The following IKZF4 variants were observed in gnomAD, a reference collection of about 807,000 sequenced individuals.
IKZF4 encodes zinc finger protein Eos.
A neutral mutation model predicts 47.7 loss-of-function variants in IKZF4; 11 were observed. The ratio of observed to expected loss-of-function variants is 0.23; its 90% CI spans 0.15 to 0.38. IKZF4 has a LOEUF of 0.38. IKZF4 is among the 10% of genes least tolerant of loss of function. The probability of loss-of-function intolerance (pLI) is 1.00; values close to 1 mark genes in which losing one functional copy is unlikely to be tolerated. For missense variants in IKZF4, 557 were observed against 784.9 expected (o/e 0.71, Z 3.47); for synonymous variants, 298 against 299.4 (o/e 1.00, Z 0.05).
At chr12:56,021,618 G>A in intron 1 of IKZF4, 38 bp downstream of exon 1, 4 of 1,567,730 alleles carry the variant, frequency 2.6e-6, no homozygotes, top group Non-Finnish European at 3.5e-6. Flanking sequence ...GAGGGAGGAA[G>A]GGGGGTGCTG....
At chr12:56,020,632 T>C (rs1173578425), upstream of IKZF4, among the ~76,000 whole-genome samples, 2 of 152,104 alleles carry the variant, frequency 1.3e-5, no homozygotes, top group Non-Finnish European at 2.9e-5. Flanking sequence ...CTTGTCCTGA[T>C]AGAGGGCGGA....
At chr12:56,033,923 G>A (rs550466675) in intron 7 of IKZF4, among the ~76,000 whole-genome samples, 14 of 152,038 alleles carry the variant, frequency 9.2e-5, no homozygotes, top group East Asian at 1.9e-4. Flanking sequence ...TTTTTGAGAC[G>A]GAGTCTTGCT....
Position 56,022,236 on chromosome 12 carries a change from C to T in IKZF4, c.87+656C>T, listed in dbSNP as rs568975943. On this transcript the variant is annotated intron_variant, in intron 1 of 7. Transcript: ENST00000547167. ...AGGCAGCAGGAGTGGAGGCTAGCCTCCTTTAACATATGAAACACCTTTAGC... is the reference window on the plus strand; with the variant it reads ...AGGCAGCAGGAGTGGAGGCTAGCCTTCTTTAACATATGAAACACCTTTAGC... Among the ~76,000 whole-genome samples, 3 of 152,306 alleles carry T rather than the reference C, an allele frequency of 2.0e-5. No homozygotes were observed. In the South Asian group the frequency reaches 6.2e-4, roughly 32 times the overall value.
chr12:56,009,721 A>G (rs1449131252), intron 1 of IKZF4, among the ~76,000 whole-genome samples: 1 of 152,226 alleles, frequency 6.6e-6, no homozygotes, highest in Non-Finnish European at 1.5e-5. Context: ...TTGATGTCTC[A>G]AACACAAAAT....
intron 1 of IKZF4, among the ~76,000 whole-genome samples, chr12:56,022,045 A>G (rs1893102287): frequency 6.6e-6 from 1 of 152,016 alleles, no homozygotes; most frequent in Non-Finnish European, 1.5e-5. Flanking sequence ...TCTTGTACCC[A>G]CTATTCCCTG....
chr12:56,025,738 C>T (rs1261838231), intron 3 of IKZF4, among the ~76,000 whole-genome samples: 3 of 152,062 alleles, frequency 2.0e-5, no homozygotes, highest in African/African-American at 7.2e-5. Flanking sequence ...GAACTGTAAG[C>T]ATGTCTGTCT....
At chr12:56,033,460 C>A in intron 7 of IKZF4, 139 bp downstream of exon 7, 1 of 1,087,338 alleles carries the variant, frequency 9.2e-7, no homozygotes, top group Non-Finnish European at 1.3e-6. Flanking sequence ...GTAATCCCAG[C>A]ACTTTGGGAG....
intron 7 of IKZF4, among the ~76,000 whole-genome samples, 181 bp downstream of exon 7, chr12:56,033,502 T>C (rs1377517572): frequency 6.6e-6 from 1 of 151,964 alleles, no homozygotes; most frequent in Non-Finnish European, 1.5e-5. Context: ...GGTCAGAAGA[T>C]CAAGACCATC....
intron 5 of IKZF4, 29 bp from the exon 6 acceptor site, chr12:56,032,532 T>C (rs751860796): frequency 1.3e-6 from 2 of 1,592,700 alleles, no homozygotes; most frequent in East Asian, 4.5e-5. Flanking sequence ...GAAATAGCTC[T>C]GATGCCATCT....
At chr12:56,027,462 T>C (rs868652730) in intron 4 of IKZF4, among the ~76,000 whole-genome samples, 5 of 152,222 alleles carry the variant, frequency 3.3e-5, no homozygotes, top group Middle Eastern at 3.4e-3. Context: ...AGCCTTCTCT[T>C]CTCAGCTTCC....
At position 56,034,736 on chromosome 12, in the gene IKZF4, C is replaced by T; in HGVS notation, c.1163C>T (p.Pro388Leu). 2 of 1,614,062 alleles carry T rather than the reference C, an allele frequency of 1.2e-6. No individual in the cohort carries two copies. Among genetic ancestry groups the T allele is most frequent in the Non-Finnish European group, 1.7e-6 (2 of 1,179,900 alleles). ...AEHLRPLRLP[P>L]TNCISELTPV... ...CATCTGCGTCCCCTCCGCCTTCCACCCACCAATTGCATCTCAGAACTCACG... is the reference window on the plus strand; with the variant it reads ...CATCTGCGTCCCCTCCGCCTTCCACTCACCAATTGCATCTCAGAACTCACG... Residue 388 changes from proline to leucine, a missense_variant, in exon 8 of 8, where the codon CCC (proline) becomes CTC (leucine). By Grantham distance (98) the Pro-to-Leu change is moderately conservative. Coordinates refer to ENST00000547167, the MANE Select transcript of IKZF4 (RefSeq NM_022465.4).
chr12:56,016,724 G>A (rs935134615), upstream of IKZF4, among the ~76,000 whole-genome samples: 65 of 152,150 alleles, frequency 4.3e-4, no homozygotes, highest in African/African-American at 1.5e-3. Flanking sequence ...AGCCTCCCTA[G>A]TAGCTGGGAT....
At chr12:56,018,050 A>G (rs983639851), upstream of IKZF4, 2 of 979,894 alleles carry the variant, frequency 2.0e-6, no homozygotes, top group South Asian at 1.3e-5. Context: ...TTTCTTGCTA[A>G]CTCAAGAATA....
Position 56,036,715 on chromosome 12 carries a change from G to C in IKZF4, c.*1384G>C, listed in dbSNP as rs1895662329. 6.6e-6 allele frequency: 1 copy of C among 152,244 alleles called. No homozygotes were observed. Among genetic ancestry groups the C allele is most frequent in the South Asian group, 2.1e-4 (1 of 4,810 alleles). The allele number at this position is 152,244 out of a possible 1,614,324, so 9.4% of individuals were successfully genotyped here. ...CTCAGCTCCCAGACACAGGGTAGGAGGGGGGACTGCTGGCTACTGCAGAGA... is the reference window on the plus strand; with the variant it reads ...CTCAGCTCCCAGACACAGGGTAGGACGGGGGACTGCTGGCTACTGCAGAGA... On this transcript the variant is annotated 3_prime_UTR_variant, in exon 8 of 8. Coordinates refer to ENST00000547167, the MANE Select transcript of IKZF4 (RefSeq NM_022465.4).
intron 3 of IKZF4, 43 bp from the exon 4 acceptor site, chr12:56,026,738 C>G: frequency 7.0e-7 from 1 of 1,429,528 alleles, no homozygotes; most frequent in South Asian, 1.6e-5. Flanking sequence ...GAGCAGCTTC[C>G]CCCTTTGCCT....
In IKZF4 at chr12:56,035,092, C is replaced by G. The variant is rs367879107; in HGVS notation, c.1519C>G (p.Arg507Gly). ...CCCCAAGCCACAGGAGGGGTTATTG[C>G]GGGGCACCCCAGGCCCCTCCAAGGA... ...EDPKPQEGLL[R>G]GTPGPSKEVL... The change falls in exon 8 of 8, where the codon CGG (arginine) becomes GGG (glycine). Residue 507 changes from arginine to glycine, a missense_variant. This residue lies in a region of IKZF4 where 280 missense variants were observed against 314.0 expected (regional missense o/e 0.89). Coordinates refer to ENST00000547167, the MANE Select transcript of IKZF4 (RefSeq NM_022465.4). This position sits in a 1 kb window ranked among gnomAD's most constrained non-coding sequence, Gnocchi z 6.1. 1.0e-5 allele frequency: 16 copies of G among 1,604,120 alleles called. No homozygotes were observed. In the South Asian group the frequency reaches 1.8e-4, roughly 18 times the overall value.
At chr12:56,015,462 T>C (rs1368232284) in intron 2 of IKZF4, among the ~76,000 whole-genome samples, 1 of 151,842 alleles carries the variant, frequency 6.6e-6, no homozygotes, top group Non-Finnish European at 1.5e-5. Context: ...AGTGGCGTGA[T>C]CTCCGCTCAC....
intron 1 of IKZF4, chr12:56,010,315 T>C (rs1043531459): frequency 3.9e-5 from 6 of 152,172 alleles, no homozygotes; most frequent in Admixed American, 2.6e-4. Flanking sequence ...GACAAAGGCA[T>C]CTAAGAAAGG....
intron 2 of IKZF4, chr12:56,024,034 T>C: frequency 3.2e-6 from 2 of 632,866 alleles, no homozygotes; most frequent in Non-Finnish European, 3.9e-6. Context: ...TGTATTTTTA[T>C]TTCACCTATA....
Sources: gnomAD v4.1 joint callset for allele counts (sites outside exome capture counted in the v4.1 genomes callset) on GRCh38, gnomAD v4.1.1 for gene constraint, gnomAD v4.1.1 regional missense constraint, Gnocchi (gnomAD v3.1) non-coding constraint, MANE v1.5 for transcripts, NCBI Gene and HGNC (gene_info 2026-07-23, HGNC 2026-07-21) for gene names.